The following KLF12 variants were observed in gnomAD, a reference collection of about 807,000 sequenced individuals.
KLF12 encodes KLF transcription factor 12.
A neutral mutation model predicts 37.8 loss-of-function variants in KLF12; 9 were observed. The observed-to-expected ratio is 0.24, with a 90% CI of 0.14 to 0.42. KLF12 has a LOEUF of 0.42. Among genes scored for constraint, KLF12 ranks in the 10% least tolerant of loss-of-function variants. The pLI, the probability that KLF12 is intolerant of heterozygous loss-of-function variation, is 1.00. For synonymous variants in KLF12, 208 were observed against 202.1 expected (o/e 1.03, Z -0.25); for missense variants, 411 against 516.0 (o/e 0.80, Z 1.97).
At chr13:74,115,083 T>C (rs1048977480) in intron 1 of KLF12, among the ~76,000 whole-genome samples, 27 of 152,206 alleles carry the variant, frequency 1.8e-4, no homozygotes, top group African/African-American at 6.0e-4. Context: ...CCAAAAGGGT[T>C]TGGGGACCAC....
intron 2 of KLF12, among the ~76,000 whole-genome samples, chr13:73,951,459 T>C (rs1337479646): frequency 6.6e-6 from 1 of 152,220 alleles, no homozygotes; most frequent in Non-Finnish European, 1.5e-5. Flanking sequence ...TGACAATCTA[T>C]TGTTCATTGC....
intron 1 of KLF12, among the ~76,000 whole-genome samples, chr13:74,122,577 C>T (rs959317660): frequency 6.6e-6 from 1 of 151,990 alleles, no homozygotes; most frequent in African/African-American, 2.4e-5. Context: ...AGAAGATACC[C>T]ATAAAGTTAT....
At chr13:74,282,061 C>T in the KLF12 span, among the ~76,000 whole-genome samples, 12 of 152,076 alleles carry the variant, frequency 7.9e-5, no homozygotes, top group Admixed American at 2.6e-4. Context: ...AGTCAATTAC[C>T]GGAGGAGTTT....
At chr13:73,985,118 G>A (rs1431038374) in intron 2 of KLF12, among the ~76,000 whole-genome samples, 1 of 152,220 alleles carries the variant, frequency 6.6e-6, no homozygotes, top group Non-Finnish European at 1.5e-5. Context: ...CTGGCTGAGA[G>A]CCAGCACTAA....
intron 5 of KLF12, among the ~76,000 whole-genome samples, chr13:73,766,818 T>C (rs1207457906): frequency 3.9e-5 from 6 of 152,202 alleles, no homozygotes; most frequent in Admixed American, 3.3e-4. Context: ...TTGCATATAT[T>C]AGTGAAGAAA....
At chr13:73,718,515 G>A (rs1240413154) in intron 6 of KLF12, among the ~76,000 whole-genome samples, 2 of 152,228 alleles carry the variant, frequency 1.3e-5, no homozygotes, top group Non-Finnish European at 2.9e-5. Flanking sequence ...CCAGCACGTA[G>A]GGAAGCTGAC....
chr13:74,122,563 T>C (rs1175332799), intron 1 of KLF12, among the ~76,000 whole-genome samples: 2 of 152,092 alleles, frequency 1.3e-5, no homozygotes, highest in African/African-American at 2.4e-5. Context: ...TCTTTAGGTC[T>C]CTCAGAAGAT....
At chr13:74,204,383 A>G in the KLF12 span, among the ~76,000 whole-genome samples, 3 of 152,288 alleles carry the variant, frequency 2.0e-5, no homozygotes, top group African/African-American at 7.2e-5. Context: ...TTTTGATGTA[A>G]CCATCACCCC....
At chr13:74,221,871 G>A in the KLF12 span, among the ~76,000 whole-genome samples, 1 of 152,128 alleles carries the variant, frequency 6.6e-6, no homozygotes, top group Non-Finnish European at 1.5e-5. Context: ...CTCACATTTT[G>A]GGATGGGCAG....
the KLF12 span, among the ~76,000 whole-genome samples, chr13:74,150,151 G>A: frequency 6.6e-6 from 1 of 151,862 alleles, no homozygotes; most frequent in Non-Finnish European, 1.5e-5. Context: ...TTTCACTGAT[G>A]TATTCACGTT....
intron 1 of KLF12, among the ~76,000 whole-genome samples, chr13:74,037,476 T>C (rs1893284081): frequency 1.3e-5 from 2 of 152,180 alleles, no homozygotes. Context: ...CAGCCGCCAA[T>C]TAAACCGTGT....
intron 1 of KLF12, among the ~76,000 whole-genome samples, chr13:74,098,012 T>C (rs1443160456): frequency 6.6e-6 from 1 of 152,170 alleles, no homozygotes; most frequent in Non-Finnish European, 1.5e-5. Context: ...ATCTTATTTT[T>C]ACAGGCTACT....
chr13:74,148,726 C>T, the KLF12 span, among the ~76,000 whole-genome samples: 8 of 152,120 alleles, frequency 5.3e-5, no homozygotes, highest in African/African-American at 1.7e-4. Flanking sequence ...TTCCAGAGAA[C>T]CCACATTCTC....
chr13:74,179,917 A>G, the KLF12 span, among the ~76,000 whole-genome samples: 1 of 152,210 alleles, frequency 6.6e-6, no homozygotes, highest in Non-Finnish European at 1.5e-5. Flanking sequence ...TAAAAGGAGG[A>G]AAAAGTTTCT....
the KLF12 span, among the ~76,000 whole-genome samples, chr13:74,168,787 G>T: frequency 1.3e-5 from 2 of 152,346 alleles, no homozygotes; most frequent in Admixed American, 6.5e-5. Flanking sequence ...CTTCAAGAAG[G>T]TGGGTTATTT....
At chr13:73,848,723 T>G (rs1885159629) in intron 3 of KLF12, among the ~76,000 whole-genome samples, 1 of 151,990 alleles carries the variant, frequency 6.6e-6, no homozygotes, top group South Asian at 2.1e-4. Flanking sequence ...TACATGGCTT[T>G]TGCATGAGCT....
intron 1 of KLF12, among the ~76,000 whole-genome samples, chr13:74,009,991 C>T (rs966197538): frequency 6.6e-6 from 1 of 152,114 alleles, no homozygotes; most frequent in Non-Finnish European, 1.5e-5. Flanking sequence ...ACTCTATCAC[C>T]CAGGCTGGAG....
chr13:74,043,101 C>T (rs1329454559), intron 1 of KLF12, among the ~76,000 whole-genome samples: 1 of 152,184 alleles, frequency 6.6e-6, no homozygotes, highest in African/African-American at 2.4e-5. Context: ...AGATTCCCTT[C>T]ATGAGATACT....
the KLF12 span, among the ~76,000 whole-genome samples, chr13:74,261,045 G>A: frequency 6.6e-6 from 1 of 152,266 alleles, no homozygotes; most frequent in African/African-American, 2.4e-5. Context: ...CGGTGCTCAG[G>A]TGATGGGTGC....
Sources: gnomAD v4.1 joint callset for allele counts (sites outside exome capture counted in the v4.1 genomes callset) on GRCh38, gnomAD v4.1.1 for gene constraint, MANE v1.5 for transcripts, NCBI Gene and HGNC (gene_info 2026-07-23, HGNC 2026-07-21) for gene names.